Variants in AGMO observed in about 807,000 individuals in gnomAD.
The protein encoded by AGMO is glyceryl-ether monooxygenase.
AGMO carries 75 observed loss-of-function variants against 60.2 expected under a neutral mutation model. The observed-to-expected ratio is 1.25, with a 90% CI of 1.03 to 1.51. The LOEUF (loss-of-function observed/expected upper bound fraction) is 1.51. AGMO is among the 40% of genes most tolerant of loss of function. The pLI, the probability that AGMO is intolerant of heterozygous loss-of-function variation, is 0.00. For synonymous variants in AGMO, 261 were observed against 177.1 expected (o/e 1.47, Z -3.76); for missense variants, 763 against 525.5 (o/e 1.45, Z -4.42).
intron 4 of AGMO, among the ~76,000 whole-genome samples, chr7:15,419,293 A>T (rs977561903): frequency 2.0e-5 from 3 of 151,976 alleles, no homozygotes; most frequent in African/African-American, 4.8e-5. Context: ...ACAACTTATG[A>T]TTAAACCACA....
At chr7:15,191,584 CTT>C in the AGMO span, among the ~76,000 whole-genome samples, 2 of 152,106 alleles carry the variant, frequency 1.3e-5, no homozygotes, top group East Asian at 3.8e-4. Flanking sequence ...AATTGAATCT[CTT>C]ATAATTAAGG....
intron 12 of AGMO, among the ~76,000 whole-genome samples, chr7:15,349,994 CTATT>C (rs533964601): frequency 1.6e-4 from 24 of 152,226 alleles, no homozygotes; most frequent in East Asian, 1.4e-3. Flanking sequence ...CAAATGGTAA[CTATT>C]TAATATTTTT....
intron 3 of AGMO, among the ~76,000 whole-genome samples, chr7:15,432,379 T>TATATATATATATATATATATATACAC (rs373845365): frequency 5.1e-5 from 7 of 136,196 alleles, no homozygotes; most frequent in African/African-American, 2.0e-4. Flanking sequence ...CATATATATA[T>TATATATATATATATATATATATACAC]ACACTATCTG....
intron 12 of AGMO, among the ~76,000 whole-genome samples, chr7:15,328,097 CTTCT>C (rs1781400287): frequency 6.6e-6 from 1 of 151,074 alleles, no homozygotes; most frequent in African/African-American, 2.4e-5. Context: ...TCCTTCCTTC[CTTCT>C]TTTCTTTTTT....
chr7:15,413,258 T>C (rs899578962), intron 5 of AGMO, among the ~76,000 whole-genome samples: 5 of 152,140 alleles, frequency 3.3e-5, no homozygotes, highest in Non-Finnish European at 7.4e-5. Flanking sequence ...TTAAATAAAC[T>C]TGAAGACAAA....
At chr7:15,378,546 G>A (rs1783548132) in intron 10 of AGMO, among the ~76,000 whole-genome samples, 1 of 151,802 alleles carries the variant, frequency 6.6e-6, no homozygotes. Flanking sequence ...GATTTATTAA[G>A]CAAGTTCTTA....
intron 12 of AGMO, among the ~76,000 whole-genome samples, chr7:15,215,593 T>A (rs1179319558): frequency 1.3e-5 from 2 of 152,108 alleles, no homozygotes; most frequent in African/African-American, 4.8e-5. Flanking sequence ...ACTATATGGT[T>A]AGAGATCGCT....
At chr7:15,209,393 GTT>G (rs61499606) in intron 12 of AGMO, among the ~76,000 whole-genome samples, 3 of 64,716 alleles carry the variant, frequency 4.6e-5, no homozygotes, top group Non-Finnish European at 9.6e-5. Context: ...AAAAAATGAG[GTT>G]TTTTTTTAGG....
the AGMO span, among the ~76,000 whole-genome samples, chr7:15,128,803 C>T: frequency 6.6e-6 from 1 of 152,002 alleles, no homozygotes; most frequent in African/African-American, 2.4e-5. Flanking sequence ...TAGAAATAGA[C>T]AATCAGCACT....
chr7:15,335,548 G>C (rs1023986611), intron 12 of AGMO, among the ~76,000 whole-genome samples: 1 of 152,088 alleles, frequency 6.6e-6, no homozygotes, highest in Non-Finnish European at 1.5e-5. Context: ...TACTTGGATA[G>C]AAATCCGTCA....
rs71530628 is a variant in AGMO at position 15,531,050 on chromosome 7, T to C, written c.409+13722A>G. 5.5e-4 allele frequency among the ~76,000 whole-genome samples: 56 copies of C among 101,546 alleles called. 2 individuals carry two copies. Among genetic ancestry groups the C allele is most frequent in the African/African-American group, 2.0e-3 (50 of 24,574 alleles). The allele number at this position is 101,546 out of a possible 152,430, so 66.6% of individuals were successfully genotyped here. On this transcript the variant is annotated intron_variant, in intron 3 of 12. Transcript: ENST00000342526. ...TTCCATATATATTCTATATATATTCTATATATATTCTGTATATATTCTATA... is the reference window on the plus strand; with the variant it reads ...TTCCATATATATTCTATATATATTCCATATATATTCTGTATATATTCTATA...
chr7:15,258,715 G>A (rs915033692), intron 12 of AGMO, among the ~76,000 whole-genome samples: 15 of 152,122 alleles, frequency 9.9e-5, no homozygotes, highest in East Asian at 1.9e-4. Context: ...TGGTATCCAG[G>A]ACTGCAATAT....
intron 3 of AGMO, among the ~76,000 whole-genome samples, chr7:15,445,779 T>C (rs954698933): frequency 1.3e-5 from 2 of 152,176 alleles, no homozygotes; most frequent in African/African-American, 4.8e-5. Flanking sequence ...GGGATGTTCA[T>C]ATGGTTCTGT....
intron 3 of AGMO, among the ~76,000 whole-genome samples, chr7:15,448,894 T>C (rs1307701018): frequency 1.3e-5 from 2 of 152,184 alleles, no homozygotes; most frequent in Admixed American, 1.3e-4. Context: ...ATCCTTACAA[T>C]GTGTTAGTTC....
chr7:15,218,665 A>C (rs1296507283), intron 12 of AGMO, among the ~76,000 whole-genome samples: 1 of 152,078 alleles, frequency 6.6e-6, no homozygotes, highest in African/African-American at 2.4e-5. Context: ...TTATTAATTT[A>C]AAAAAAGAGT....
chr7:15,190,936 A>G, the AGMO span, among the ~76,000 whole-genome samples: 1 of 152,094 alleles, frequency 6.6e-6, no homozygotes, highest in Admixed American at 6.6e-5. Flanking sequence ...ATGTCTGTTC[A>G]GGGTCACACA....
At chr7:15,432,106 T>C (rs1280662665) in intron 3 of AGMO, among the ~76,000 whole-genome samples, 2 of 151,654 alleles carry the variant, frequency 1.3e-5, no homozygotes, top group Admixed American at 1.3e-4. Context: ...GAAATGGAAT[T>C]AGCTATGTGA....
intron 3 of AGMO, among the ~76,000 whole-genome samples, chr7:15,536,772 G>A (rs1456537635): frequency 6.6e-6 from 1 of 151,864 alleles, no homozygotes; most frequent in Non-Finnish European, 1.5e-5. Context: ...CTAAGCTGAT[G>A]ATTACCGCAA....
the AGMO span, among the ~76,000 whole-genome samples, chr7:15,190,071 TG>T: frequency 9.3e-6 from 1 of 107,804 alleles, no homozygotes. Flanking sequence ...GATTTTTAAG[TG>T]CCATATATAT....
Sources: gnomAD v4.1 joint callset for allele counts (sites outside exome capture counted in the v4.1 genomes callset) on GRCh38, gnomAD v4.1.1 for gene constraint, MANE v1.5 for transcripts, NCBI Gene and HGNC (gene_info 2026-07-23, HGNC 2026-07-21) for gene names.